The following HEMK2 variants were observed in gnomAD, a reference collection of about 807,000 sequenced individuals.
HEMK2 encodes the protein HemK methyltransferase 2, ETF1 glutamine and histone H4 lysine.
At chr21:28,617,068 C>A in the HEMK2 span, among the ~76,000 whole-genome samples, 1 of 152,166 alleles carries the variant, frequency 6.6e-6, no homozygotes, top group Non-Finnish European at 1.5e-5. Context: ...AAAAATAAGA[C>A]TTAGACATAG....
chr21:28,868,085 T>C, the HEMK2 span, among the ~76,000 whole-genome samples: 2 of 152,182 alleles, frequency 1.3e-5, no homozygotes, highest in Non-Finnish European at 2.9e-5. Flanking sequence ...TATATGTACA[T>C]GTTTCTTTAT....
At chr21:28,848,694 T>C in the HEMK2 span, among the ~76,000 whole-genome samples, 1 of 152,224 alleles carries the variant, frequency 6.6e-6, no homozygotes, top group Non-Finnish European at 1.5e-5. Flanking sequence ...TAGTTTTCCT[T>C]TAATGTGTTG....
the HEMK2 span, among the ~76,000 whole-genome samples, chr21:28,838,972 A>AATATATATATATATATATATATATATAT: frequency 1.0e-4 from 3 of 29,158 alleles, no homozygotes; most frequent in Non-Finnish European, 1.1e-4. Context: ...AAAAAAAAAA[A>AATATATATATATATATATATATATATAT]ATATATATAT....
the HEMK2 span, among the ~76,000 whole-genome samples, chr21:28,788,209 CGTATATATGTATATAT>C: frequency 1.3e-4 from 19 of 144,284 alleles, no homozygotes; most frequent in African/African-American, 3.6e-4. Context: ...CGTATATATA[CGTATATATGTATATAT>C]ACACGTATAT....
the HEMK2 span, among the ~76,000 whole-genome samples, chr21:28,609,068 C>T: frequency 1.3e-5 from 2 of 152,212 alleles, no homozygotes; most frequent in African/African-American, 2.4e-5. Flanking sequence ...CTGATGCACT[C>T]TTGAAAGCAC....
chr21:28,678,555 T>C, the HEMK2 span, among the ~76,000 whole-genome samples: 1 of 152,118 alleles, frequency 6.6e-6, no homozygotes, highest in Non-Finnish European at 1.5e-5. Flanking sequence ...ACCACAAAGA[T>C]ACTCCTCAAG....
At chr21:28,625,723 AC>A in the HEMK2 span, among the ~76,000 whole-genome samples, 1 of 152,174 alleles carries the variant, frequency 6.6e-6, no homozygotes, top group Non-Finnish European at 1.5e-5. Context: ...CTCTAAAAAA[AC>A]ATAAAAATTA....
At chr21:28,853,867 T>G in the HEMK2 span, among the ~76,000 whole-genome samples, 1 of 152,210 alleles carries the variant, frequency 6.6e-6, no homozygotes, top group Admixed American at 6.5e-5. Context: ...CATTTCAAGT[T>G]GCAGGGTACC....
At chr21:28,618,243 T>C in the HEMK2 span, among the ~76,000 whole-genome samples, 17 of 152,236 alleles carry the variant, frequency 1.1e-4, no homozygotes, top group Non-Finnish European at 2.4e-4. Context: ...AAATCCCTCA[T>C]AGCTTCTTCC....
chr21:28,879,781 G>A, the HEMK2 span: 3 of 955,772 alleles, frequency 3.1e-6, no homozygotes, highest in South Asian at 6.2e-5. Flanking sequence ...GATAGCAGCA[G>A]CTGACTGATG....
the HEMK2 span, among the ~76,000 whole-genome samples, chr21:28,717,023 T>G: frequency 1.4e-3 from 219 of 152,304 alleles, no homozygotes; most frequent in African/African-American, 5.1e-3. Context: ...AGCTTGCTAG[T>G]ATTTTGTTGA....
At chr21:28,876,378 C>G in the HEMK2 span, 2 of 1,583,032 alleles carry the variant, frequency 1.3e-6, no homozygotes, top group Non-Finnish European at 1.7e-6. Flanking sequence ...TGGGCACACA[C>G]TGTATGCTAA....
At chr21:28,860,558 T>C in the HEMK2 span, among the ~76,000 whole-genome samples, 1 of 151,804 alleles carries the variant, frequency 6.6e-6, no homozygotes, top group Non-Finnish European at 1.5e-5. Flanking sequence ...AAAGAAATTT[T>C]AAAAAATTAT....
chr21:28,619,537 A>G, the HEMK2 span, among the ~76,000 whole-genome samples: 2 of 152,204 alleles, frequency 1.3e-5, no homozygotes, highest in African/African-American at 4.8e-5. Context: ...ACTTCTCACA[A>G]AGATACTAAA....
chr21:28,883,864 T>C, the HEMK2 span, among the ~76,000 whole-genome samples: 3 of 152,288 alleles, frequency 2.0e-5, no homozygotes, highest in Middle Eastern at 6.8e-3. Flanking sequence ...GTTAGGACTA[T>C]AGGCACGAAC....
At chr21:28,825,167 G>A in the HEMK2 span, among the ~76,000 whole-genome samples, 2 of 152,184 alleles carry the variant, frequency 1.3e-5, no homozygotes, top group Non-Finnish European at 2.9e-5. Context: ...GGAAGGCACA[G>A]TGCATGACCC....
At chr21:28,628,684 C>T in the HEMK2 span, among the ~76,000 whole-genome samples, 1 of 152,204 alleles carries the variant, frequency 6.6e-6, no homozygotes, top group Non-Finnish European at 1.5e-5. Context: ...AAACTCCCAA[C>T]CTCAGGTGAT....
chr21:28,863,407 CTTTTATATATATATATATATATATAT>C, the HEMK2 span, among the ~76,000 whole-genome samples: 39 of 66,470 alleles, frequency 5.9e-4, no homozygotes, highest in African/African-American at 2.8e-3. Context: ...AATAAACTCC[CTTTTATATATATATATATATATATAT>C]ATATATATAT....
At chr21:28,879,500 C>T in the HEMK2 span, among the ~76,000 whole-genome samples, 1 of 152,202 alleles carries the variant, frequency 6.6e-6, no homozygotes, top group Non-Finnish European at 1.5e-5. Flanking sequence ...CTCGGCCTCC[C>T]AAAGTACAGG....
Sources: allele counts gnomAD v4.1 joint callset (sites outside exome capture counted in the v4.1 genomes callset), GRCh38; gene constraint gnomAD v4.1.1; transcripts MANE v1.5; gene names NCBI Gene and HGNC (gene_info 2026-07-23, HGNC 2026-07-21).